The following NOTUM variants were observed in gnomAD, a reference collection of about 807,000 sequenced individuals.
NOTUM encodes notum, palmitoleoyl-protein carboxylesterase, also known as palmitoleoyl-protein carboxylesterase NOTUM.
Under a neutral mutation model 65.5 loss-of-function variants are expected in NOTUM, and 36 were observed. The ratio of observed to expected loss-of-function variants is 0.55; its 90% CI spans 0.42 to 0.73. NOTUM has a LOEUF of 0.73. Among genes scored for constraint, NOTUM ranks in the 30% least tolerant of loss-of-function variants. The probability of loss-of-function intolerance (pLI) is 0.00; values close to 1 mark genes in which losing one functional copy is unlikely to be tolerated. For missense variants in NOTUM, 659 were observed against 694.2 expected, an observed-to-expected ratio of 0.95 and a Z score of 0.57; for synonymous variants, 356 against 297.9, an observed-to-expected ratio of 1.20 and a Z score of -2.01.
At chr17:81,955,622 C>A in intron 8 of NOTUM, 78 bp from the exon 9 acceptor site, 2 of 1,424,366 alleles carry the variant, frequency 1.4e-6, no homozygotes, top group Non-Finnish European at 1.9e-6. Context: ...CTCAGCACCC[C>A]CAGGCCCCTG....
rs2041449290 is a variant in NOTUM at position 81,958,393 on chromosome 17, G to A, written c.534C>T (p.Val178=). ...CATCACTGGAGCAGTAGGGGATGAA[G>A]CTGCAACACAGAACAGAGTGAGCCT... ...ENPYWWNANM[V]FIPYCSSDVW... Residue 178 remains valine (V), a splice_region_variant and synonymous_variant, in exon 5 of 11, where the codon GTC becomes GTT. Transcript: ENST00000409678. 1.9e-6 allele frequency: 3 copies of A among 1,607,600 alleles called. No homozygotes were observed. Among genetic ancestry groups the A allele is most frequent in the Non-Finnish European group, 2.6e-6 (3 of 1,175,896 alleles).
chr17:81,957,843 G>A lies in NOTUM; in HGVS notation c.658C>T (p.Leu220=). 6.2e-7 allele frequency: 1 copy of A among 1,609,162 alleles called. No individual in the cohort carries two copies. The highest frequency in any genetic ancestry group is 8.5e-7 in the Non-Finnish European group (1 of 1,178,394). The change falls in exon 6 of 11, where the codon CTG becomes TTG. Residue 220 remains leucine, a synonymous_variant. Coordinates refer to ENST00000409678, the MANE Select transcript of NOTUM (RefSeq NM_178493.6). ...EVVRELLGRG[L]SGAKVLLLAG... ...AGCAGCAGCACCTTGGCCCCGCTCA[G>A]CCCTCTGCCCAGAAGCTCCCGCACC...
In NOTUM at chr17:81,957,912, C is replaced by T. The variant is rs2041445402; in HGVS notation, c.593-4G>A. 1.9e-6 allele frequency: 3 copies of T among 1,590,250 alleles called. No individual in the cohort carries two copies. In the Admixed American group the frequency reaches 5.2e-5, roughly 28 times the overall value. On this transcript the variant is annotated splice_polypyrimidine_tract_variant and splice_region_variant and intron_variant, in intron 5 of 10. Transcript: ENST00000409678. ...GCGCCCATGAAGGCGTACTCGTCTGCAAGAGGGAGGGGGTGGCCTCAGGTA... is the reference window on the plus strand; with the variant it reads ...GCGCCCATGAAGGCGTACTCGTCTGTAAGAGGGAGGGGGTGGCCTCAGGTA...
rs1433325536 is a variant in NOTUM at position 81,955,496 on chromosome 17, A to G, written c.1037T>C (p.Val346Ala). Residue 346 changes from valine (V) to alanine (A), a missense_variant, in exon 9 of 11, where the codon GTG (valine) becomes GCG (alanine). Coordinates refer to ENST00000409678, the MANE Select transcript of NOTUM (RefSeq NM_178493.6). ...QWLFDEAQLTVDNVHLTGQPV... is the reference protein window; with the variant it reads ...QWLFDEAQLTADNVHLTGQPV... ...CTGCCCCGTCAGGTGCACGTTGTCCACCGTCAGCTGTGCCTCGTCAAACAG... is the reference window on the plus strand; with the variant it reads ...CTGCCCCGTCAGGTGCACGTTGTCCGCCGTCAGCTGTGCCTCGTCAAACAG... 1 of 1,611,392 alleles carries G rather than the reference A, an allele frequency of 6.2e-7. No homozygotes were observed. Among genetic ancestry groups the G allele is most frequent in the Non-Finnish European group, 8.5e-7 (1 of 1,179,422 alleles).
At position 81,952,975 on chromosome 17, in the gene NOTUM, T is replaced by C; in HGVS notation, c.1477A>G (p.Ser493Gly). The change falls in exon 11 of 11, where the codon AGC (serine) becomes GGC (glycine). Residue 493 changes from serine to glycine, a missense_variant. Physicochemically the swap from Ser to Gly is moderately conservative, Grantham distance 56. Coordinates refer to ENST00000409678, the MANE Select transcript of NOTUM (RefSeq NM_178493.6). ...AGACAGTCTGCCTAGCTTCCGTTGC[T>C]CAGCATCCCCAGCAGCTCACTGGGC... The part of the protein sequence containing the change: ...LEPSELLGML[S>G]NGS The C allele has an allele frequency of 1.2e-6, 2 of 1,613,830 alleles. No homozygotes were observed. The highest frequency in any genetic ancestry group is 1.7e-6 in the Non-Finnish European group (2 of 1,179,982).
In NOTUM at chr17:81,956,640, G is replaced by C; in HGVS notation, c.988+10C>G. ...GCTGCCCTGTGTGCTCCGCTCTGCCGCCCACTCACAGCGCAGGGTCGGGTA... is the reference window on the plus strand; with the variant it reads ...GCTGCCCTGTGTGCTCCGCTCTGCCCCCCACTCACAGCGCAGGGTCGGGTA... On this transcript the variant is annotated intron_variant, in intron 8 of 10. Coordinates refer to ENST00000409678, the MANE Select transcript of NOTUM (RefSeq NM_178493.6). The C allele has an allele frequency of 6.3e-7, 1 of 1,583,668 alleles. No individual in the cohort carries two copies. Among genetic ancestry groups the C allele is most frequent in the Non-Finnish European group, 8.7e-7 (1 of 1,153,712 alleles).
Position 81,959,312 on chromosome 17 carries a change from CA to C in NOTUM, c.472+158del. ...CTGAATGCTAATGTGGAATGGGCCC[CA>C]AAAGGCAAGAGTGAAGGGCGCCCCT... On this transcript the variant is annotated intron_variant, in intron 3 of 10. Transcript: ENST00000409678. 4 of 637,944 alleles carry C rather than the reference CA, an allele frequency of 6.3e-6. 1 individual carries two copies. Among genetic ancestry groups the C allele is most frequent in the South Asian group, 5.8e-5 (3 of 51,928 alleles). 39.5% of individuals were successfully genotyped at this position (637,944 alleles called of 1,614,324 possible).
In NOTUM at chr17:81,960,610, G is replaced by A. The variant is rs997937136; in HGVS notation, c.300C>T (p.Thr100=). The change falls in exon 1 of 11, where the codon ACC becomes ACT. Residue 100 remains threonine (T), a synonymous_variant. Transcript: ENST00000409678. This position sits in a 1 kb window ranked among gnomAD's most constrained non-coding sequence, Gnocchi z 6.4. ...RLHLLLNTSV[T]CNDGSPAGYY... is the part of the protein sequence containing the mutation. The stretch of plus-strand genomic sequence containing the variant: ...ACCCGGCGGGGCTGCCGTCGTTGCA[G>A]GTCACCGAGGTGTTGAGTAGGAGGT... The A allele has an allele frequency of 1.3e-6, 2 of 1,517,436 alleles. No homozygotes were observed. The highest frequency in any genetic ancestry group is 1.4e-5 in the African/African-American group (1 of 72,040). The allele number at this position is 1,517,436 out of a possible 1,614,324, so 94.0% of individuals were successfully genotyped here. A position where few individuals can be genotyped will look rare whatever the true frequency, so the allele number is the denominator to read the frequency against.
rs569844095 is a variant in NOTUM, at chr17:81,952,703, C to G, written c.*258G>C. The G allele has an allele frequency of 1.4e-4, 78 of 557,604 alleles. No individual in the cohort carries two copies. Among genetic ancestry groups the G allele is most frequent in the African/African-American group, 1.2e-3 (63 of 52,954 alleles). 34.5% of individuals were successfully genotyped at this position (557,604 alleles called of 1,614,324 possible). On this transcript the variant is annotated 3_prime_UTR_variant, in exon 11 of 11. Coordinates refer to ENST00000409678, the MANE Select transcript of NOTUM (RefSeq NM_178493.6). ...GTGGACTGAGGAATCCAGTGCTTCT[C>G]TTCTGGCTACCCCCTCGTTGTCAGG...
In NOTUM at chr17:81,958,990, C is replaced by T. The variant is rs2041454090; in HGVS notation, c.478G>A (p.Gly160Arg). 6.2e-7 allele frequency: 1 copy of T among 1,612,972 alleles called. No homozygotes were observed. Among genetic ancestry groups the T allele is most frequent in the Non-Finnish European group, 8.5e-7 (1 of 1,179,698 alleles). ...TCCTCCGGCTGTGAGGACAGGATCCCTGTGCCTGGGGACACAGAGGCGGTG... is the reference window on the plus strand; with the variant it reads ...TCCTCCGGCTGTGAGGACAGGATCCTTGTGCCTGGGGACACAGAGGCGGTG... ...RDWPRTRTGTGILSSQPEENP... is the reference protein window; with the variant it reads ...RDWPRTRTGTRILSSQPEENP... Residue 160 changes from glycine (G) to arginine (R), a missense_variant, in exon 4 of 11, where the codon GGG becomes AGG. Gly to Arg is a moderately radical substitution (Grantham distance 125). Coordinates refer to ENST00000409678, the MANE Select transcript of NOTUM (RefSeq NM_178493.6).
Position 81,960,927 on chromosome 17 carries a change from G to C in NOTUM, c.-18C>G. ...CGGCCCATGGCCGCGTCCACCTGCG[G>C]GGAGCGGGCGGCCTTGAGGCGGCGG... On this transcript the variant is annotated 5_prime_UTR_variant, in exon 1 of 11. Transcript: ENST00000409678. The surrounding 1 kb of genome is among the most constrained non-coding windows in gnomAD (Gnocchi z 6.4). The C allele has an allele frequency of 8.2e-7, 1 of 1,219,342 alleles. No homozygotes were observed. The highest frequency in any genetic ancestry group is 1.0e-6 in the Non-Finnish European group (1 of 979,518). 75.5% of individuals were successfully genotyped at this position (1,219,342 alleles called of 1,614,324 possible).
intron 5 of NOTUM, 40 bp downstream of exon 5, chr17:81,958,295 C>T (rs751243378): frequency 9.0e-6 from 13 of 1,440,498 alleles, no homozygotes; most frequent in African/African-American, 7.0e-5. Flanking sequence ...CATCCGGCCC[C>T]GTCCCTGCCC....
Position 81,955,385 on chromosome 17 carries a change from C to A in NOTUM, c.1136+12G>T. Reference sequence around the variant, plus strand: ...CTACCCGGCGTGGGGCTCCCGGGGCCCACACACTCACGGCACGTCCTTGAG... The same window carrying A: ...CTACCCGGCGTGGGGCTCCCGGGGCACACACACTCACGGCACGTCCTTGAG... On this transcript the variant is annotated intron_variant, in intron 9 of 10. Coordinates refer to ENST00000409678, the MANE Select transcript of NOTUM (RefSeq NM_178493.6). 6.4e-7 allele frequency: 1 copy of A among 1,558,766 alleles called. No homozygotes were observed. The highest frequency in any genetic ancestry group is 8.7e-7 in the Non-Finnish European group (1 of 1,148,234).
intron 10 of NOTUM, among the ~76,000 whole-genome samples, chr17:81,953,848 C>T (rs1354016848): frequency 1.3e-5 from 2 of 149,328 alleles, no homozygotes; most frequent in Non-Finnish European, 3.0e-5. Context: ...ATGTTGCAAT[C>T]TCGACTCACC....
intron 4 of NOTUM, 135 bp from the exon 5 acceptor site, chr17:81,958,528 A>G (rs944039187): frequency 7.6e-6 from 5 of 660,970 alleles, no homozygotes; most frequent in South Asian, 6.9e-5. Context: ...CCAGGATAGA[A>G]CTTCCCCTCA....
intron 10 of NOTUM, among the ~76,000 whole-genome samples, chr17:81,953,993 G>C (rs2041408816): frequency 6.6e-6 from 1 of 151,596 alleles, no homozygotes; most frequent in African/African-American, 2.4e-5. Flanking sequence ...GGCCAGGCTG[G>C]TGTCGAACTC....
rs199691879 is a variant in NOTUM, at chr17:81,956,925, G to A, written c.845C>T (p.Thr282Met). The A allele has an allele frequency of 3.3e-5, 54 of 1,612,736 alleles. No individual in the cohort carries two copies. The highest frequency in any genetic ancestry group is 2.3e-4 in the Admixed American group (14 of 60,012). Residue 282 changes from threonine (T) to methionine (M), a missense_variant, in exon 7 of 11, where the codon ACG becomes ATG. Transcript: ENST00000409678. The part of the protein sequence containing the change: ...KQYRHTDCVD[T>M]ITCAPTEAIR... ...GGCCTCCGTGGGCGCGCACGTGATC[G>A]TGTCGACGCAGTCTGTGTGGCGATA... is the stretch of plus-strand genomic sequence containing the variant.
Position 81,957,894 on chromosome 17 carries a change from T to C in NOTUM, c.607A>G (p.Met203Val), listed in dbSNP as rs1374357570. 6.2e-7 allele frequency: 1 copy of C among 1,603,586 alleles called. No individual in the cohort carries two copies. The highest frequency in any genetic ancestry group is 8.5e-7 in the Non-Finnish European group (1 of 1,175,600). ...SKSEKNEYAF[M>V]GALIIQEVVR... The stretch of plus-strand genomic sequence containing the variant: ...ACCTCCTGGATGATGAGGGCGCCCA[T>C]GAAGGCGTACTCGTCTGCAAGAGGG... Residue 203 changes from methionine (M) to valine (V), a missense_variant, in exon 6 of 11, where the codon ATG becomes GTG. Physicochemically the swap from Met to Val is conservative, Grantham distance 21 (BLOSUM62 1). Coordinates refer to ENST00000409678, the MANE Select transcript of NOTUM (RefSeq NM_178493.6).
chr17:81,959,089 G>A, intron 3 of NOTUM, 94 bp from the exon 4 acceptor site: 1 of 1,056,490 alleles, frequency 9.5e-7, no homozygotes, highest in Non-Finnish European at 1.5e-6. Flanking sequence ...CTCCTACTTG[G>A]CCCCAGGAAG....
Sources: gnomAD v4.1 joint callset for allele counts (sites outside exome capture counted in the v4.1 genomes callset) on GRCh38, gnomAD v4.1.1 for gene constraint, Gnocchi (gnomAD v3.1) non-coding constraint, MANE v1.5 for transcripts, NCBI Gene and HGNC (gene_info 2026-07-23, HGNC 2026-07-21) for gene names.